TOGARAM2: variants seen among roughly 807,000 people sequenced by gnomAD.
TOGARAM2 encodes TOG array regulator of axonemal microtubules protein 2.
In TOGARAM2, 85 loss-of-function variants were observed where a neutral mutation model predicts 93.3. The ratio of observed to expected loss-of-function variants is 0.91; its 90% CI spans 0.76 to 1.09. The LOEUF (loss-of-function observed/expected upper bound fraction) is 1.09. Among genes scored for constraint, TOGARAM2 ranks in the 50% least tolerant of loss-of-function variants. TOGARAM2 has a pLI of 0.00. For synonymous variants in TOGARAM2, 593 were observed against 552.8 expected, an observed-to-expected ratio of 1.07 and a Z score of -1.02; for missense variants, 1,277 against 1,334.5, an observed-to-expected ratio of 0.96 and a Z score of 0.67.
chr2:29,017,153 G>C lies in TOGARAM2; in HGVS notation c.1045-1G>C. The C allele has an allele frequency of 6.2e-7, 1 of 1,612,344 alleles. No individual in the cohort carries two copies. Among genetic ancestry groups the C allele is most frequent in the Non-Finnish European group, 8.5e-7 (1 of 1,179,294 alleles). ...TAGAGTTTGCCTTGACCTTGTGCCAGATCCAAGTCACCATCTCCAAGTCTG... is the reference window on the plus strand; with the variant it reads ...TAGAGTTTGCCTTGACCTTGTGCCACATCCAAGTCACCATCTCCAAGTCTG... On this transcript the variant is annotated splice_acceptor_variant, in intron 8 of 19. Transcript: ENST00000379558. LOFTEE classifies it high-confidence loss of function.
intron 1 of TOGARAM2, among the ~76,000 whole-genome samples, chr2:28,958,597 G>A (rs983116031): frequency 2.0e-5 from 3 of 152,062 alleles, no homozygotes; most frequent in African/African-American, 7.2e-5. Flanking sequence ...CCACTACAGC[G>A]GGCTGACATT....
Position 29,022,180 on chromosome 2 carries a change from C to A in TOGARAM2, c.1383C>A (p.Leu461=), listed in dbSNP as rs1276538484. ...CAGCTAACTCATTACCTGCGGTGCT[C>A]ACGTTGGGGTCTCCTGAATGGGAAG... The part of the protein sequence containing the change: ...HASANSLPAV[L]TLGSPEWEEE... Residue 461 remains leucine (L), a synonymous_variant, in exon 11 of 20, where the codon CTC becomes CTA. Coordinates refer to ENST00000379558, the MANE Select transcript of TOGARAM2 (RefSeq NM_199280.4). 6.2e-7 allele frequency: 1 copy of A among 1,613,906 alleles called. No homozygotes were observed. Among genetic ancestry groups the A allele is most frequent in the African/African-American group, 1.3e-5 (1 of 74,922 alleles).
At chr2:29,014,612 C>T (rs1348154138) in intron 8 of TOGARAM2, 51 bp downstream of exon 8, 3 of 1,538,608 alleles carry the variant, frequency 1.9e-6, no homozygotes, top group Non-Finnish European at 2.6e-6. Context: ...GGACCGCAGG[C>T]TGCAGGAAGG....
In TOGARAM2 at chr2:29,036,579, C is replaced by T. The variant is rs374935592; in HGVS notation, c.2457C>T (p.Asn819=). The T allele has an allele frequency of 2.5e-6, 4 of 1,613,988 alleles. No individual in the cohort carries two copies. The highest frequency in any genetic ancestry group is 3.4e-6 in the Non-Finnish European group (4 of 1,179,894). ...DAFTPRLQDS[N]KKVNQWALES... ...TCACCCCAAGGCTTCAGGATTCCAA[C>T]AAGAAAGTGAACCAGTGGGCGCTGG... The change falls in exon 18 of 20, where the codon AAC becomes AAT. Residue 819 remains asparagine (N), a synonymous_variant. Coordinates refer to ENST00000379558, the MANE Select transcript of TOGARAM2 (RefSeq NM_199280.4).
chr2:29,044,710 G>C (rs920316506), intron 18 of TOGARAM2, among the ~76,000 whole-genome samples: 1 of 151,984 alleles, frequency 6.6e-6, no homozygotes, highest in African/African-American at 2.4e-5. Context: ...CTAGCTCTAT[G>C]CCTGTTACAT....
chr2:29,015,977 C>T (rs532919464), intron 8 of TOGARAM2, among the ~76,000 whole-genome samples: 7 of 152,320 alleles, frequency 4.6e-5, no homozygotes, highest in East Asian at 3.9e-4. Flanking sequence ...ACACCTCCCT[C>T]GCCAGCCTAG....
chr2:29,027,434 A>C (rs1558451628), intron 14 of TOGARAM2, among the ~76,000 whole-genome samples: 1 of 152,162 alleles, frequency 6.6e-6, no homozygotes, highest in Non-Finnish European at 1.5e-5. Context: ...ATAATAAATA[A>C]ATAATTATGG....
At chr2:28,994,431 GA>G (rs1322086650) in intron 1 of TOGARAM2, among the ~76,000 whole-genome samples, 1 of 152,110 alleles carries the variant, frequency 6.6e-6, no homozygotes, top group Non-Finnish European at 1.5e-5. Context: ...ACACTACCTT[GA>G]AAAAAATCAT....
chr2:29,015,156 G>T (rs577661699), intron 8 of TOGARAM2, among the ~76,000 whole-genome samples: 3 of 151,940 alleles, frequency 2.0e-5, no homozygotes, highest in Non-Finnish European at 4.4e-5. Context: ...TATCTTGAAG[G>T]CCTCCTGGGT....
intron 2 of TOGARAM2, among the ~76,000 whole-genome samples, chr2:28,996,167 T>C: frequency 6.6e-6 from 1 of 152,226 alleles, no homozygotes; most frequent in Non-Finnish European, 1.5e-5. Flanking sequence ...ATGTGATATT[T>C]GGATACAGGC....
chr2:28,983,769 C>T (rs73922921), intron 1 of TOGARAM2, among the ~76,000 whole-genome samples: 29 of 152,302 alleles, frequency 1.9e-4, no homozygotes, highest in African/African-American at 6.7e-4. Flanking sequence ...TTGCATCTCA[C>T]CTGCCAGCTG....
At chr2:28,976,565 C>A (rs1312748720), upstream of TOGARAM2, among the ~76,000 whole-genome samples, 1 of 152,218 alleles carries the variant, frequency 6.6e-6, no homozygotes, top group Non-Finnish European at 1.5e-5. Context: ...GAGGGAGAGG[C>A]ACACCCCATG....
chr2:29,017,985 T>C, intron 10 of TOGARAM2, 29 bp downstream of exon 10: 1 of 1,565,384 alleles, frequency 6.4e-7, no homozygotes, highest in Non-Finnish European at 8.7e-7. Context: ...CAGGCACACG[T>C]GTCCCTCTGC....
chr2:28,980,269 C>T (rs949227138), upstream of TOGARAM2, among the ~76,000 whole-genome samples: 2 of 152,228 alleles, frequency 1.3e-5, no homozygotes, highest in Non-Finnish European at 2.9e-5. Flanking sequence ...ACAGCAGCTA[C>T]TCCCAAGGCC....
rs146395549 is a variant in TOGARAM2 at position 29,029,264 on chromosome 2, TACACACACAC to T, written c.2012+2278_2012+2287del. Among the ~76,000 whole-genome samples, 26 of 147,986 alleles carry T rather than the reference TACACACACAC, an allele frequency of 1.8e-4. 1 individual carries two copies. Among genetic ancestry groups the T allele is most frequent in the African/African-American group, 5.9e-4 (24 of 40,404 alleles). On this transcript the variant is annotated intron_variant, in intron 14 of 19. Coordinates refer to ENST00000379558, the MANE Select transcript of TOGARAM2 (RefSeq NM_199280.4). ...TGATATGTATGTATGTATGTGTGTATACACACACACACACACACACACACACACACACACT... is the reference window on the plus strand; with the variant it reads ...TGATATGTATGTATGTATGTGTGTATACACACACACACACACACACACACT...
chr2:28,963,782 C>T (rs376131299), intron 1 of TOGARAM2, among the ~76,000 whole-genome samples: 4 of 152,114 alleles, frequency 2.6e-5, no homozygotes, highest in African/African-American at 7.2e-5. Context: ...CCGAGGTGAG[C>T]GGATCACCTG....
chr2:28,989,359 A>G (rs993697945), intron 1 of TOGARAM2, among the ~76,000 whole-genome samples: 2 of 148,312 alleles, frequency 1.3e-5, no homozygotes, highest in Non-Finnish European at 1.5e-5. Context: ...CCCGCTTTTC[A>G]TATTTTATTG....
At position 29,035,492 on chromosome 2, in the gene TOGARAM2, G is replaced by T; in HGVS notation, c.2254G>T (p.Gly752Trp). 2 of 1,483,014 alleles carry T rather than the reference G, an allele frequency of 1.3e-6. No homozygotes were observed. Among genetic ancestry groups the T allele is most frequent in the Non-Finnish European group, 9.0e-7 (1 of 1,111,432 alleles). 91.9% of individuals were successfully genotyped at this position (1,483,014 alleles called of 1,614,324 possible). The change falls in exon 17 of 20, where the codon GGG becomes TGG. Residue 752 changes from glycine to tryptophan, a missense_variant. Gly to Trp is a radical substitution (Grantham distance 184). Transcript: ENST00000379558. Reference protein sequence around the residue: ...GLSCNGPRLVGLRSTLQGRGE... With the variant: ...GLSCNGPRLVWLRSTLQGRGE... ...CAGCTGCAATGGCCCAAGGCTGGTG[G>T]GGCTGCGCTCCACACTGCAGGGCCG...
intron 2 of TOGARAM2, among the ~76,000 whole-genome samples, chr2:28,996,526 GATA>G (rs1385924745): frequency 6.6e-6 from 1 of 152,038 alleles, no homozygotes; most frequent in Non-Finnish European, 1.5e-5. Flanking sequence ...CTTCACTTAA[GATA>G]ATGACTGCCA....
Sources: gnomAD v4.1 joint callset for allele counts (sites outside exome capture counted in the v4.1 genomes callset) on GRCh38, gnomAD v4.1.1 for gene constraint, MANE v1.5 for transcripts, NCBI Gene and HGNC (gene_info 2026-07-23, HGNC 2026-07-21) for gene names.